STXBP6: variants seen among roughly 807,000 people sequenced by gnomAD.
The protein encoded by STXBP6 is syntaxin-binding protein 6.
STXBP6 carries 21 observed loss-of-function variants against 26.9 expected under a neutral mutation model. The ratio of observed to expected loss-of-function variants is 0.78; its 90% CI spans 0.55 to 1.12. The LOEUF (loss-of-function observed/expected upper bound fraction) is 1.12, where lower values mean the gene tolerates loss of function less well. STXBP6 is among the 50% of genes most tolerant of loss of function. The pLI, the probability that STXBP6 is intolerant of heterozygous loss-of-function variation, is 0.00. For synonymous variants in STXBP6, 97 were observed against 92.6 expected, an observed-to-expected ratio of 1.05 and a Z score of -0.27; for missense variants, 232 against 257.9, an observed-to-expected ratio of 0.90 and a Z score of 0.69.
intron 2 of STXBP6, among the ~76,000 whole-genome samples, chr14:24,954,938 A>G (rs2073291288): frequency 1.3e-5 from 2 of 152,192 alleles, no homozygotes; most frequent in Non-Finnish European, 2.9e-5. Context: ...GACACTGGGC[A>G]AGTTACTGGG....
At chr14:25,035,677 AT>A (rs577367243) in intron 1 of STXBP6, among the ~76,000 whole-genome samples, 30 of 151,132 alleles carry the variant, frequency 2.0e-4, no homozygotes, top group South Asian at 4.2e-4. Flanking sequence ...TGTCCTCAGA[AT>A]TTTTTTTTTC....
intron 2 of STXBP6, among the ~76,000 whole-genome samples, chr14:24,937,741 T>G (rs2072654678): frequency 6.6e-6 from 1 of 152,214 alleles, no homozygotes; most frequent in South Asian, 2.1e-4. Flanking sequence ...AGCAAATATT[T>G]TCTTGGTTGT....
At chr14:24,913,843 C>T (rs1309057768) in intron 2 of STXBP6, among the ~76,000 whole-genome samples, 1 of 152,124 alleles carries the variant, frequency 6.6e-6, no homozygotes, top group African/African-American at 2.4e-5. Context: ...GTCCCCAGAA[C>T]AGGGGGAAAT....
chr14:24,840,240 G>T (rs1236645155), intron 4 of STXBP6, among the ~76,000 whole-genome samples: 3 of 152,192 alleles, frequency 2.0e-5, no homozygotes, highest in Admixed American at 6.5e-5. Flanking sequence ...CTATTGGCAG[G>T]AGATTCATGG....
At chr14:24,876,740 T>C (rs1371142131) in intron 2 of STXBP6, among the ~76,000 whole-genome samples, 1 of 152,204 alleles carries the variant, frequency 6.6e-6, no homozygotes, top group Non-Finnish European at 1.5e-5. Context: ...AAATTGGTAA[T>C]TGGGCATTTA....
intron 2 of STXBP6, among the ~76,000 whole-genome samples, chr14:24,946,137 T>C (rs180760860): frequency 6.6e-6 from 1 of 152,328 alleles, no homozygotes; most frequent in Admixed American, 6.5e-5. Context: ...CTACTCTTTA[T>C]ACAAATGTAT....
At chr14:24,946,161 A>G (rs1480974984) in intron 2 of STXBP6, among the ~76,000 whole-genome samples, 1 of 152,230 alleles carries the variant, frequency 6.6e-6, no homozygotes, top group Non-Finnish European at 1.5e-5. Context: ...AGAAACAAAT[A>G]TGAAAAAATG....
chr14:25,040,282 G>C (rs1354345417), intron 1 of STXBP6, among the ~76,000 whole-genome samples: 1 of 152,214 alleles, frequency 6.6e-6, no homozygotes, highest in East Asian at 1.9e-4. Flanking sequence ...TCAGAAAGGA[G>C]GCAGAGGACA....
chr14:24,871,263 A>G (rs1232250555), intron 2 of STXBP6, among the ~76,000 whole-genome samples: 1 of 152,218 alleles, frequency 6.6e-6, no homozygotes, highest in Admixed American at 6.5e-5. Flanking sequence ...CAATCAAAGT[A>G]GAGCTAGGTG....
At chr14:24,896,854 T>G (rs1364103473) in intron 2 of STXBP6, among the ~76,000 whole-genome samples, 2 of 152,042 alleles carry the variant, frequency 1.3e-5, no homozygotes, top group Non-Finnish European at 2.9e-5. Flanking sequence ...AGTAAGCATG[T>G]CTGGGGTATG....
At chr14:24,903,576 T>TAACAGTTTAAAATG in intron 2 of STXBP6, among the ~76,000 whole-genome samples, 1 of 152,130 alleles carries the variant, frequency 6.6e-6, no homozygotes, top group Non-Finnish European at 1.5e-5. Flanking sequence ...TAACTGAAAC[T>TAACAGTTTAAAATG]CCACATTTTA....
chr14:24,961,462 AAAC>A (rs2073536115), intron 2 of STXBP6, among the ~76,000 whole-genome samples: 1 of 152,088 alleles, frequency 6.6e-6, no homozygotes, highest in African/African-American at 2.4e-5. Flanking sequence ...AAAAAAAAAA[AAAC>A]ATAAAAAGAA....
intron 2 of STXBP6, among the ~76,000 whole-genome samples, chr14:24,883,291 G>T (rs1424482438): frequency 6.6e-6 from 1 of 151,960 alleles, no homozygotes; most frequent in Non-Finnish European, 1.5e-5. Context: ...TTTAGAATAG[G>T]TTTAGATTTA....
intron 1 of STXBP6, among the ~76,000 whole-genome samples, chr14:25,036,225 A>T (rs1375324465): frequency 1.5e-5 from 2 of 131,702 alleles, no homozygotes; most frequent in Non-Finnish European, 3.0e-5. Context: ...AAAAAAAAAA[A>T]AAAAAAAAAA....
chr14:24,830,774 CG>C (rs1319142017), intron 4 of STXBP6, among the ~76,000 whole-genome samples: 2 of 151,716 alleles, frequency 1.3e-5, no homozygotes, highest in African/African-American at 2.4e-5. Context: ...GGGAGCAACA[CG>C]AAAGAGAGAA....
rs879528788 is a variant in STXBP6, at chr14:24,909,725, A to AT, written c.155-52569dup. 1.8e-3 allele frequency among the ~76,000 whole-genome samples: 260 copies of AT among 147,052 alleles called. 1 individual carries two copies. The highest frequency in any genetic ancestry group is 4.7e-3 in the African/African-American group (188 of 40,334). ...AGCATTGTACTTACCAGATATGAGA[A>AT]TTTTTTTTTTTTGACAGTCTTGCTC... On this transcript the variant is annotated intron_variant, in intron 2 of 5. Transcript: ENST00000323944.
intron 1 of STXBP6, among the ~76,000 whole-genome samples, chr14:24,989,427 G>A (rs2074411256): frequency 6.6e-6 from 1 of 152,178 alleles, no homozygotes. Context: ...ACAGCGATTT[G>A]GGGGAACTGA....
intron 2 of STXBP6, among the ~76,000 whole-genome samples, chr14:24,889,614 G>A (rs1312632): frequency 0.37 from 55,266 of 151,226 alleles, 10,316 homozygotes; most frequent in East Asian, 0.43. Context: ...AAAGAAAAAA[G>A]TGTACTTACA....
At chr14:24,977,387 T>C (rs1325097339) in intron 1 of STXBP6, among the ~76,000 whole-genome samples, 1 of 151,308 alleles carries the variant, frequency 6.6e-6, no homozygotes, top group Non-Finnish European at 1.5e-5. Context: ...GACCTTTTAT[T>C]TTTTTTTTAA....
Sources: gnomAD v4.1 joint callset for allele counts (sites outside exome capture counted in the v4.1 genomes callset) on GRCh38, gnomAD v4.1.1 for gene constraint, MANE v1.5 for transcripts, NCBI Gene and HGNC (gene_info 2026-07-23, HGNC 2026-07-21) for gene names.